Variants in SLC9D1 observed in about 807,000 individuals in gnomAD.
SLC9D1 encodes solute carrier family 9 member D1.
At chr13:113,506,846 C>T in the SLC9D1 span, among the ~76,000 whole-genome samples, 1 of 152,156 alleles carries the variant, frequency 6.6e-6, no homozygotes, top group Admixed American at 6.5e-5. Flanking sequence ...TTGTGAGCAG[C>T]GTGAGCATGT....
At chr13:113,515,243 C>T in the SLC9D1 span, among the ~76,000 whole-genome samples, 11 of 152,150 alleles carry the variant, frequency 7.2e-5, no homozygotes, top group African/African-American at 2.7e-4. Flanking sequence ...TATTCAGTAA[C>T]ATGCTGGACA....
At chr13:113,507,965 T>A in the SLC9D1 span, among the ~76,000 whole-genome samples, 2 of 152,244 alleles carry the variant, frequency 1.3e-5, no homozygotes, top group Non-Finnish European at 2.9e-5. Flanking sequence ...TCTGGGGGGC[T>A]TGGTAACCCA....
the SLC9D1 span, chr13:113,535,276 C>T: frequency 6.6e-6 from 1 of 152,210 alleles, no homozygotes; most frequent in African/African-American, 2.4e-5. This position sits in a 1 kb window ranked among gnomAD's most constrained non-coding sequence, Gnocchi z 4.1. Flanking sequence ...AAATAAAGTT[C>T]ATTTTGGAAA....
At chr13:113,492,452 C>A in the SLC9D1 span, among the ~76,000 whole-genome samples, 2 of 152,288 alleles carry the variant, frequency 1.3e-5, no homozygotes, top group East Asian at 3.9e-4. Context: ...GGGGAATTTT[C>A]TTTGATCAAA....
At chr13:113,538,099 A>G in the SLC9D1 span, among the ~76,000 whole-genome samples, 2 of 147,562 alleles carry the variant, frequency 1.4e-5, no homozygotes, top group South Asian at 2.2e-4. Context: ...GGAATGTTAC[A>G]TGTGCATGTA....
chr13:113,519,328 G>C, the SLC9D1 span, among the ~76,000 whole-genome samples: 7 of 149,928 alleles, frequency 4.7e-5, no homozygotes, highest in African/African-American at 1.7e-4. Context: ...TTACAGGCGT[G>C]AGCCACCGCG....
the SLC9D1 span, among the ~76,000 whole-genome samples, chr13:113,518,737 A>G: frequency 3.3e-5 from 5 of 152,186 alleles, no homozygotes; most frequent in Admixed American, 2.6e-4. Flanking sequence ...CCGCATGGAC[A>G]ATATTAGTTG....
At chr13:113,537,810 A>G in the SLC9D1 span, among the ~76,000 whole-genome samples, 73,440 of 152,042 alleles carry the variant, frequency 0.48, 18,816 homozygotes, top group African/African-American at 0.66. Context: ...ATTCATTCAC[A>G]TGCGTTTCTG....
At chr13:113,508,188 A>G in the SLC9D1 span, among the ~76,000 whole-genome samples, 1 of 152,252 alleles carries the variant, frequency 6.6e-6, no homozygotes. Flanking sequence ...TCACCCTGGT[A>G]ATGACCTCAG....
chr13:113,503,611 A>T, the SLC9D1 span: 1 of 1,514,020 alleles, frequency 6.6e-7, no homozygotes, highest in Non-Finnish European at 9.2e-7. Context: ...TCAACCTGTT[A>T]CTGCAGCTAA....
the SLC9D1 span, among the ~76,000 whole-genome samples, chr13:113,541,362 A>G: frequency 6.8e-6 from 1 of 147,588 alleles, no homozygotes; most frequent in Non-Finnish European, 1.5e-5. Flanking sequence ...GATCACTGCC[A>G]TGCTTTATTA....
the SLC9D1 span, chr13:113,520,651 C>T: frequency 1.9e-3 from 3,011 of 1,613,958 alleles, 52 homozygotes; most frequent in African/African-American, 0.036. Flanking sequence ...CCTCGGCATG[C>T]TGGTGACGCA....
chr13:113,502,933 C>T, the SLC9D1 span, among the ~76,000 whole-genome samples: 3 of 152,186 alleles, frequency 2.0e-5, no homozygotes, highest in South Asian at 2.1e-4. Context: ...GCCTGGGGAG[C>T]GGCTGGCCGG....
At chr13:113,531,395 C>T in the SLC9D1 span, among the ~76,000 whole-genome samples, 247 of 152,344 alleles carry the variant, frequency 1.6e-3, no homozygotes, top group African/African-American at 5.8e-3. Flanking sequence ...TCAGAACAGC[C>T]GTGGACACGG....
the SLC9D1 span, chr13:113,548,368 C>A: frequency 6.2e-7 from 1 of 1,613,876 alleles, no homozygotes; most frequent in Non-Finnish European, 8.5e-7. Flanking sequence ...TCAAGTGGAT[C>A]GTCTCTGCGG....
At chr13:113,503,366 TGTGTG>T in the SLC9D1 span, 1 of 614,684 alleles carries the variant, frequency 1.6e-6, no homozygotes, top group South Asian at 2.0e-5. Flanking sequence ...TGTGTGTGTG[TGTGTG>T]TGTGTGTGTG....
the SLC9D1 span, among the ~76,000 whole-genome samples, chr13:113,533,645 G>A: frequency 6.6e-6 from 1 of 152,206 alleles, no homozygotes; most frequent in African/African-American, 2.4e-5. Context: ...CCTTGCTGAC[G>A]GTCGCTGGAG....
At chr13:113,529,404 G>A in the SLC9D1 span, 4,258 of 151,636 alleles carry the variant, frequency 0.028, 90 homozygotes, top group African/African-American at 0.035. Flanking sequence ...TCATCCTAGC[G>A]CTTTGGGAGG....
At chr13:113,501,362 T>C in the SLC9D1 span, among the ~76,000 whole-genome samples, 11 of 152,334 alleles carry the variant, frequency 7.2e-5, no homozygotes, top group African/African-American at 2.6e-4. Context: ...GTAGGTATCA[T>C]AAGTAATCTA....
Sources: allele counts gnomAD v4.1 joint callset (sites outside exome capture counted in the v4.1 genomes callset), GRCh38; gene constraint gnomAD v4.1.1; non-coding constraint Gnocchi (gnomAD v3.1); transcripts MANE v1.5; gene names NCBI Gene and HGNC (gene_info 2026-07-23, HGNC 2026-07-21).